Variants in DPEP1 observed in about 807,000 individuals in gnomAD.
DPEP1 encodes beta-lactamase.
In DPEP1, 50 loss-of-function variants were observed where a neutral mutation model predicts 42.3. The observed-to-expected ratio is 1.18, with a 90% confidence interval of 0.94 to 1.50. DPEP1 has a LOEUF of 1.50. DPEP1 is among the 40% of genes most tolerant of loss of function. DPEP1 has a pLI of 0.00. For synonymous variants in DPEP1, 297 were observed against 234.0 expected, an observed-to-expected ratio of 1.27 and a Z score of -2.46; for missense variants, 663 against 553.0, an observed-to-expected ratio of 1.20 and a Z score of -1.99.
chr16:89,636,844 C>CACCT (rs1567992569), intron 5 of DPEP1, 22 bp from the exon 6 acceptor site: 2 of 1,612,114 alleles, frequency 1.2e-6, no homozygotes, highest in South Asian at 2.2e-5. Context: ...ACCTCTTGGG[C>CACCT]ACCTGCCTTT....
rs763286550 is a variant in DPEP1, at chr16:89,638,052, G to A, written c.1066G>A (p.Ala356Thr). The change falls in exon 11 of 11, where the codon GCC becomes ACC. Residue 356 changes from alanine (A) to threonine (T), a missense_variant and splice_region_variant. Transcript: ENST00000690203. Reference sequence around the variant, plus strand: ...CCCACCCGTGTCTGTCTGTCCCCAGGCCAGCAACCTCACACAGGCTCCCGA... The same window carrying A: ...CCCACCCGTGTCTGTCTGTCCCCAGACCAGCAACCTCACACAGGCTCCCGA... ...LLRVFEAVEQ[A>T]SNLTQAPEEE... 5.6e-6 allele frequency: 9 copies of A among 1,611,992 alleles called. No individual in the cohort carries two copies. Among genetic ancestry groups the A allele is most frequent in the Non-Finnish European group, 7.6e-6 (9 of 1,179,710 alleles).
Position 89,637,642 on chromosome 16 carries a change from T to A in DPEP1, c.864T>A (p.Asp288Glu). 6.2e-7 allele frequency: 1 copy of A among 1,612,962 alleles called. No individual in the cohort carries two copies. The highest frequency in any genetic ancestry group is 8.5e-7 in the Non-Finnish European group (1 of 1,179,980). The change falls in exon 9 of 11, where the codon GAT becomes GAA. Residue 288 changes from aspartate to glutamate, a missense_variant. Transcript: ENST00000690203. The stretch of plus-strand genomic sequence containing the variant: ...CTGCTCCCTGGACAGACCATCTGGA[T>A]CACATCAAGGAGGTGGCAGGAGCCA... Reference protein sequence around the residue: ...ANLSQVADHLDHIKEVAGARA... With the variant: ...ANLSQVADHLEHIKEVAGARA...
intron 1 of DPEP1, among the ~76,000 whole-genome samples, chr16:89,626,769 G>A (rs2059518803): frequency 6.6e-6 from 1 of 151,948 alleles, no homozygotes; most frequent in Admixed American, 6.6e-5. Flanking sequence ...ATTTTCCTGA[G>A]GCCTCCCCAG....
chr16:89,635,670 G>A (rs1015761369), intron 2 of DPEP1, among the ~76,000 whole-genome samples: 1 of 152,206 alleles, frequency 6.6e-6, no homozygotes, highest in Non-Finnish European at 1.5e-5. Flanking sequence ...GGGCTACCCA[G>A]CTCCCTGAGC....
chr16:89,620,603 C>G (rs969214092), intron 1 of DPEP1: 1 of 152,254 alleles, frequency 6.6e-6, no homozygotes, highest in Non-Finnish European at 1.5e-5. Context: ...GGGTACTGTG[C>G]GAGCCCTCAA....
chr16:89,637,171 G>A (rs2059692473), intron 6 of DPEP1, 33 bp from the exon 7 acceptor site: 1 of 1,602,836 alleles, frequency 6.2e-7, no homozygotes, highest in Non-Finnish European at 8.5e-7. Context: ...GACCCTGGGG[G>A]CTGTGAGGGT....
At chr16:89,625,958 C>T (rs1170503496) in intron 1 of DPEP1, among the ~76,000 whole-genome samples, 3 of 152,190 alleles carry the variant, frequency 2.0e-5, no homozygotes, top group Non-Finnish European at 2.9e-5. Context: ...AGGACGCCCT[C>T]GTGTTGAATT....
chr16:89,633,690 A>G (rs1481182760), intron 2 of DPEP1, among the ~76,000 whole-genome samples: 1 of 152,230 alleles, frequency 6.6e-6, no homozygotes, highest in African/African-American at 2.4e-5. Flanking sequence ...GAGAGCACCA[A>G]AACACCCTCA....
At chr16:89,638,558 CAGG>C (rs1336078007), downstream of DPEP1, 5 of 1,063,952 alleles carry the variant, frequency 4.7e-6, no homozygotes, top group African/African-American at 8.3e-5. Context: ...CAGAAGGGCT[CAGG>C]AGGTGTGAAA....
chr16:89,636,269 G>A lies in DPEP1; in HGVS notation c.243G>A (p.Trp81Ter), dbSNP rs1431918305. 3 of 1,608,224 alleles carry A rather than the reference G, an allele frequency of 1.9e-6. No homozygotes were observed. Among genetic ancestry groups the A allele is most frequent in the Non-Finnish European group, 1.7e-6 (2 of 1,178,452 alleles). Residue 81 changes from tryptophan to a stop codon, truncating the protein, a stop_gained, in exon 4 of 11, where the codon TGG (tryptophan) becomes TGA (stop). Coordinates refer to ENST00000690203, the MANE Select transcript of DPEP1 (RefSeq NM_001389466.1). LOFTEE classifies it high-confidence loss of function. Reference sequence around the variant, plus strand: ...GCACCCCCTGCGGCCCACAGTTCTGGTCCGTGTACACGCCCTGCGACACCC... The same window carrying A: ...GCACCCCCTGCGGCCCACAGTTCTGATCCGTGTACACGCCCTGCGACACCC... The part of the protein sequence containing the change: ...LRAGFVGGQF[W>*]SVYTPCDTQN...
In DPEP1 at chr16:89,636,351, T is replaced by G. The variant is rs1247431033; in HGVS notation, c.325T>G (p.Cys109Gly). Residue 109 changes from cysteine (C) to glycine (G), a missense_variant, in exon 4 of 11, where the codon TGC becomes GGC. By Grantham distance (159) the Cys-to-Gly change is radical. Transcript: ENST00000690203. ...LEQMDVVHRM[C>G]RMYPETFLYV... ...GCAGATGGACGTGGTCCACCGCATG[T>G]GCCGGATGTACCCGGAGACCTTCCT... The G allele has an allele frequency of 3.7e-6, 6 of 1,612,602 alleles. No individual in the cohort carries two copies. Among genetic ancestry groups the G allele is most frequent in the Non-Finnish European group, 4.2e-6 (5 of 1,179,914 alleles).
downstream of DPEP1, among the ~76,000 whole-genome samples, chr16:89,638,608 G>T (rs1186581954): frequency 3.3e-5 from 5 of 151,340 alleles, no homozygotes; most frequent in East Asian, 9.7e-4. Context: ...CGTCTTTAGG[G>T]ACAGTCTAGG....
At chr16:89,641,391 C>T (rs576006471), downstream of DPEP1, among the ~76,000 whole-genome samples, 5 of 152,328 alleles carry the variant, frequency 3.3e-5, no homozygotes, top group South Asian at 4.1e-4. Context: ...TGGCCCTGTC[C>T]GGGCGTAACG....
At chr16:89,618,921 TC>T (rs199671692) in intron 1 of DPEP1, among the ~76,000 whole-genome samples, 1 of 128,686 alleles carries the variant, frequency 7.8e-6, no homozygotes, top group African/African-American at 2.9e-5. Flanking sequence ...CCCTCCCTGC[TC>T]CCTCCCTGCA....
At chr16:89,632,275 A>G (rs8045575) in intron 2 of DPEP1, among the ~76,000 whole-genome samples, 7,799 of 151,832 alleles carry the variant, frequency 0.051, 633 homozygotes, top group African/African-American at 0.18. Flanking sequence ...CTGGTCTCGA[A>G]CTCCTGACCT....
chr16:89,624,749 G>A (rs2059487318), intron 1 of DPEP1, among the ~76,000 whole-genome samples: 1 of 152,060 alleles, frequency 6.6e-6, no homozygotes, highest in Non-Finnish European at 1.5e-5. Context: ...TGGCCAGGCT[G>A]GTCTTGAACT....
chr16:89,636,179 G>A lies in DPEP1; in HGVS notation c.238-85G>A, dbSNP rs552843848. Reference sequence around the variant, plus strand: ...CAGGCCGAGGGAGGGCTTCCCAGCGGGTGGGAAACCAGACTCCCACAGGCA... The same window carrying A: ...CAGGCCGAGGGAGGGCTTCCCAGCGAGTGGGAAACCAGACTCCCACAGGCA... On this transcript the variant is annotated intron_variant, in intron 3 of 10. Coordinates refer to ENST00000690203, the MANE Select transcript of DPEP1 (RefSeq NM_001389466.1). 2.6e-6 allele frequency: 4 copies of A among 1,554,762 alleles called. No homozygotes were observed. The African/African-American group carries it at 5.4e-5, about 21-fold the overall frequency.
intron 1 of DPEP1, among the ~76,000 whole-genome samples, chr16:89,622,143 CCA>C (rs1218561068): frequency 6.6e-6 from 1 of 152,110 alleles, no homozygotes; most frequent in African/African-American, 2.4e-5. Flanking sequence ...ATGCAGGAGC[CCA>C]CACTCTTCAC....
At chr16:89,638,719 G>GCA (rs373543632), downstream of DPEP1, among the ~76,000 whole-genome samples, 13 of 46,908 alleles carry the variant, frequency 2.8e-4, no homozygotes, top group Admixed American at 6.4e-4. Context: ...CCGCACCCCT[G>GCA]CACACACACA....
Sources: gnomAD v4.1 joint callset for allele counts (sites outside exome capture counted in the v4.1 genomes callset) on GRCh38, gnomAD v4.1.1 for gene constraint, MANE v1.5 for transcripts, NCBI Gene and HGNC (gene_info 2026-07-23, HGNC 2026-07-21) for gene names.